Variants in ATP8B3 observed in about 807,000 individuals in gnomAD.
ATP8B3 encodes phospholipid-transporting ATPase IK.
A neutral mutation model predicts 140.9 loss-of-function variants in ATP8B3; 141 were observed. The observed-to-expected ratio is 1.00, with a 90% confidence interval of 0.87 to 1.15. The LOEUF (loss-of-function observed/expected upper bound fraction) is 1.15. Ranked by LOEUF, ATP8B3 falls within the 50% of genes most tolerant of loss-of-function variation. The pLI, the probability that ATP8B3 is intolerant of heterozygous loss-of-function variation, is 0.00. For synonymous variants in ATP8B3, 765 were observed against 714.6 expected (o/e 1.07, Z -1.13); for missense variants, 1,874 against 1,740.6 (o/e 1.08, Z -1.36).
chr19:1,805,504 T>A lies in ATP8B3; in HGVS notation c.822-48A>T, dbSNP rs768306200. The A allele has an allele frequency of 4.9e-5, 72 of 1,455,458 alleles. No individual in the cohort carries two copies. In the South Asian group the frequency reaches 8.5e-4, roughly 17 times the overall value. The allele number at this position is 1,455,458 out of a possible 1,614,324, so 90.2% of individuals were successfully genotyped here. ...GGTGAAAGTGGAGTTGATGGATGCT[T>A]CGAGGAGCCCCCAGACCCCTTCTGG... On this transcript the variant is annotated intron_variant, in intron 9 of 28. Coordinates refer to ENST00000310127, the MANE Select transcript of ATP8B3 (RefSeq NM_138813.4). The surrounding 1 kb of genome is among the most constrained non-coding windows in gnomAD (Gnocchi z 5.2).
At position 1,796,232 on chromosome 19, in the gene ATP8B3, T is replaced by C; in HGVS notation, c.1787A>G (p.Glu596Gly). Residue 596 changes from glutamate (E) to glycine (G), a missense_variant, in exon 17 of 29, where the codon GAG becomes GGG. This residue lies in a region of ATP8B3 where 1,032 missense variants were observed against 963.6 expected (regional missense o/e 1.07). Transcript: ENST00000310127. Reference protein sequence around the residue: ...QLLYQAASPDEGALVTAARNF... With the variant: ...QLLYQAASPDGGALVTAARNF... Reference sequence around the variant, plus strand: ...CCGGGCTGCGGTGACCAGCGCCCCCTCGTCGGGGGAGGCCGCCTGGTACAA... The same window carrying C: ...CCGGGCTGCGGTGACCAGCGCCCCCCCGTCGGGGGAGGCCGCCTGGTACAA... 6.2e-7 allele frequency: 1 copy of C among 1,612,216 alleles called. No homozygotes were observed. The highest frequency in any genetic ancestry group is 8.5e-7 in the Non-Finnish European group (1 of 1,179,706).
Position 1,807,056 on chromosome 19 carries a change from C to G in ATP8B3, c.615+112G>C. The G allele has an allele frequency of 1.0e-6, 1 of 965,596 alleles. No individual in the cohort carries two copies. Among genetic ancestry groups the G allele is most frequent in the Non-Finnish European group, 1.6e-6 (1 of 617,862 alleles). 59.8% of individuals were successfully genotyped at this position (965,596 alleles called of 1,614,324 possible). ...CAGCTGAGGCTCCCAGGCCCACGTT[C>G]CCCTAATGCTCCAGGAAGCCCAGCC... On this transcript the variant is annotated intron_variant, in intron 6 of 28. Coordinates refer to ENST00000310127, the MANE Select transcript of ATP8B3 (RefSeq NM_138813.4). This position sits in a 1 kb window ranked among gnomAD's most constrained non-coding sequence, Gnocchi z 5.9.
chr19:1,785,324 CG>C, intron 26 of ATP8B3, 27 bp from the exon 27 acceptor site: 1 of 1,562,068 alleles, frequency 6.4e-7, no homozygotes, highest in Non-Finnish European at 8.7e-7. Context: ...GGGGTAAATC[CG>C]GGGCCTAGCG....
intron 3 of ATP8B3, among the ~76,000 whole-genome samples, chr19:1,810,099 G>A (rs7260237): frequency 0.21 from 32,065 of 152,146 alleles, 3,668 homozygotes; most frequent in Admixed American, 0.32. Flanking sequence ...TCCAGCTGGC[G>A]GCCCAGATCT....
chr19:1,800,518 A>G lies in ATP8B3; in HGVS notation c.1153-69T>C. The G allele has an allele frequency of 7.2e-7, 1 of 1,394,972 alleles. No homozygotes were observed. The highest frequency in any genetic ancestry group is 9.9e-7 in the Non-Finnish European group (1 of 1,005,666). 86.4% of individuals were successfully genotyped at this position (1,394,972 alleles called of 1,614,324 possible). ...CCCCACTCTGCCATCAGGATGGGGTAAACACAAAGATAAGGCTGGGGCTGG... is the reference window on the plus strand; with the variant it reads ...CCCCACTCTGCCATCAGGATGGGGTGAACACAAAGATAAGGCTGGGGCTGG... On this transcript the variant is annotated intron_variant, in intron 12 of 28. Transcript: ENST00000310127. The surrounding 1 kb of genome is among the most constrained non-coding windows in gnomAD (Gnocchi z 4.4).
Position 1,788,990 on chromosome 19 carries a change from C to T in ATP8B3, c.2976G>A (p.Arg992=), listed in dbSNP as rs1391428832. The change falls in exon 24 of 29, where the codon CGG becomes CGA. Residue 992 remains arginine, a synonymous_variant. Coordinates refer to ENST00000310127, the MANE Select transcript of ATP8B3 (RefSeq NM_138813.4). The part of the protein sequence containing the change: ...LLVHGRWSYV[R]ICKFLRYFFY... ...AGAAGTAGCGCAGGAACTTGCAGATCCGCACGTAGGACCAGCGGCCGTGCA... is the reference window on the plus strand; with the variant it reads ...AGAAGTAGCGCAGGAACTTGCAGATTCGCACGTAGGACCAGCGGCCGTGCA... 1.2e-6 allele frequency: 2 copies of T among 1,610,530 alleles called. No individual in the cohort carries two copies. The highest frequency in any genetic ancestry group is 3.4e-5 in the Admixed American group (2 of 59,678).
rs1292949255 is a variant in ATP8B3 at position 1,784,801 on chromosome 19, G to A, written c.3660+18C>T. On this transcript the variant is annotated intron_variant, in intron 28 of 28. Coordinates refer to ENST00000310127, the MANE Select transcript of ATP8B3 (RefSeq NM_138813.4). Reference sequence around the variant, plus strand: ...TGGAATGTACCAGATGAGGACCCCAGGCCCAGGCCCACCTCACCTTGGCAC... The same window carrying A: ...TGGAATGTACCAGATGAGGACCCCAAGCCCAGGCCCACCTCACCTTGGCAC... 6 of 1,584,188 alleles carry A rather than the reference G, an allele frequency of 3.8e-6. No homozygotes were observed. The highest frequency in any genetic ancestry group is 5.1e-6 in the Non-Finnish European group (6 of 1,165,936).
chr19:1,805,527 T>C lies in ATP8B3; in HGVS notation c.822-71A>G, dbSNP rs962196341. On this transcript the variant is annotated intron_variant, in intron 9 of 28. Transcript: ENST00000310127. The surrounding 1 kb of genome is among the most constrained non-coding windows in gnomAD (Gnocchi z 5.2). ...CTTCGAGGAGCCCCCAGACCCCTTC[T>C]GGAGTCACTCAAACATTTTCACTGA... 23 of 1,302,418 alleles carry C rather than the reference T, an allele frequency of 1.8e-5. No homozygotes were observed. The African/African-American group carries it at 3.4e-4, about 19-fold the overall frequency. The allele number at this position is 1,302,418 out of a possible 1,614,324, so 80.7% of individuals were successfully genotyped here.
rs890240690 is a variant in ATP8B3 at position 1,807,743 on chromosome 19, T to C, written c.517-477A>G. 2.6e-5 allele frequency among the ~76,000 whole-genome samples: 4 copies of C among 152,288 alleles called. No individual in the cohort carries two copies. The highest frequency in any genetic ancestry group is 9.6e-5 in the African/African-American group (4 of 41,478). ...TCCATCCAGAACAGAAATGAGATGT[T>C]GGGTGAGAGTGTTTGCTCTGAAAAC... is the stretch of plus-strand genomic sequence containing the variant. On this transcript the variant is annotated intron_variant, in intron 5 of 28. Coordinates refer to ENST00000310127, the MANE Select transcript of ATP8B3 (RefSeq NM_138813.4). The surrounding 1 kb of genome is among the most constrained non-coding windows in gnomAD (Gnocchi z 5.9).
At chr19:1,798,263 T>A (rs914096037) in intron 14 of ATP8B3, among the ~76,000 whole-genome samples, 14 of 151,982 alleles carry the variant, frequency 9.2e-5, no homozygotes, top group Non-Finnish European at 1.8e-4. Flanking sequence ...TTGAACCATT[T>A]CTTGGGGACT....
chr19:1,786,848 C>G (rs891842583), intron 25 of ATP8B3, among the ~76,000 whole-genome samples: 2 of 151,944 alleles, frequency 1.3e-5, no homozygotes, highest in African/African-American at 4.8e-5. Context: ...GATGGGTAGA[C>G]AGAGGCACGG....
intron 20 of ATP8B3, among the ~76,000 whole-genome samples, chr19:1,791,065 T>C (rs1414306986): frequency 1.3e-5 from 2 of 152,248 alleles, no homozygotes; most frequent in African/African-American, 4.8e-5. Flanking sequence ...GAGATGTGTC[T>C]GAGGCCAGGA....
At chr19:1,790,095 C>T (rs2068446478) in intron 21 of ATP8B3, 106 bp from the exon 22 acceptor site, 1 of 786,878 alleles carries the variant, frequency 1.3e-6, no homozygotes, top group African/African-American at 1.8e-5. Flanking sequence ...ACTCCCCCAC[C>T]CCTGCCCCTT....
In ATP8B3 at chr19:1,787,097, G is replaced by A; in HGVS notation, c.3153+6C>T. On this transcript the variant is annotated splice_donor_region_variant and intron_variant, in intron 25 of 28. Transcript: ENST00000310127. ...TGGAAGGAAGACCCGGCCTTGCCCT[G>A]CTCACCTGCTCAAAGAGCCCAATGT... 2.5e-6 allele frequency: 4 copies of A among 1,592,894 alleles called. No individual in the cohort carries two copies. Among genetic ancestry groups the A allele is most frequent in the Non-Finnish European group, 3.4e-6 (4 of 1,168,314 alleles).
intron 14 of ATP8B3, chr19:1,799,646 C>G (rs1366844803): frequency 5.6e-6 from 3 of 536,634 alleles, no homozygotes; most frequent in Non-Finnish European, 9.8e-6. Context: ...TGCCTGTAAT[C>G]CCAGCTACTC....
chr19:1,804,468 C>T (rs1400775539), intron 10 of ATP8B3, among the ~76,000 whole-genome samples: 3 of 152,160 alleles, frequency 2.0e-5, no homozygotes, highest in African/African-American at 7.2e-5. Flanking sequence ...AATTAGCCAG[C>T]CTGGTGGCGG....
rs1410848379 is a variant in ATP8B3 at position 1,789,490 on chromosome 19, A to T, written c.2716T>A (p.Cys906Ser). 12 of 1,597,730 alleles carry T rather than the reference A, an allele frequency of 7.5e-6. No homozygotes were observed. Among genetic ancestry groups the T allele is most frequent in the Non-Finnish European group, 1.0e-5 (12 of 1,179,098 alleles). The part of the protein sequence containing the change: ...ERAFVDLASK[C>S]QAVICCRVTP... ...ACGCGGCAGCAGATGACCGCCTGGC[A>T]CTTGGACGCCAGGTCCACGAAGGCG... The change falls in exon 23 of 29, where the codon TGC (cysteine) becomes AGC (serine). Residue 906 changes from cysteine to serine, a missense_variant. Transcript: ENST00000310127.
In ATP8B3 at chr19:1,811,774, G is replaced by GGGT; in HGVS notation, c.-41_-39dup. Reference sequence around the variant, plus strand: ...GAAAAGGGAGGTTCAGGGCGAAGAGGGGTTTAGGCTGTGGGACGGGGGAGA... The same window carrying GGGT: ...GAAAAGGGAGGTTCAGGGCGAAGAGGGGTGGTTTAGGCTGTGGGACGGGGGAGA... On this transcript the variant is annotated 5_prime_UTR_variant, in exon 2 of 29. Transcript: ENST00000310127. The GGGT allele has an allele frequency of 6.5e-7, 1 of 1,539,028 alleles. No individual in the cohort carries two copies. The highest frequency in any genetic ancestry group is 8.7e-7 in the Non-Finnish European group (1 of 1,147,712).
chr19:1,806,495 C>G lies in ATP8B3; in HGVS notation c.677+133G>C. The stretch of plus-strand genomic sequence containing the variant: ...GCCAAACGCCTAATGAATGCAGGCC[C>G]GGTTCCTGTCGGACTCAACCAGCCG... On this transcript the variant is annotated intron_variant, in intron 7 of 28. Coordinates refer to ENST00000310127, the MANE Select transcript of ATP8B3 (RefSeq NM_138813.4). This position sits in a 1 kb window ranked among gnomAD's most constrained non-coding sequence, Gnocchi z 5.6. The G allele has an allele frequency of 8.7e-6, 13 of 1,490,328 alleles. No individual in the cohort carries two copies. The highest frequency in any genetic ancestry group is 1.2e-5 in the Non-Finnish European group (13 of 1,123,192). 92.3% of individuals were successfully genotyped at this position (1,490,328 alleles called of 1,614,324 possible).
Sources: gnomAD v4.1 joint callset for allele counts (sites outside exome capture counted in the v4.1 genomes callset) on GRCh38, gnomAD v4.1.1 for gene constraint, gnomAD v4.1.1 regional missense constraint, Gnocchi (gnomAD v3.1) non-coding constraint, MANE v1.5 for transcripts, NCBI Gene and HGNC (gene_info 2026-07-23, HGNC 2026-07-21) for gene names.